The following RIMS1 variants were observed in gnomAD, a reference collection of about 807,000 sequenced individuals.
RIMS1 encodes the protein regulating synaptic membrane exocytosis 1.
Under a neutral mutation model 214.1 loss-of-function variants are expected in RIMS1, and 83 were observed. The observed-to-expected ratio is 0.39, with a 90% confidence interval of 0.32 to 0.47. RIMS1 has a LOEUF of 0.47. RIMS1 is among the 20% of genes least tolerant of loss of function. RIMS1 has a pLI of 0.99. For synonymous variants in RIMS1, 793 were observed against 786.8 expected (o/e 1.01, Z -0.13); for missense variants, 2,050 against 2,161.8 (o/e 0.95, Z 1.03).
chr6:71,960,578 G>T (rs1792643005), intron 1 of RIMS1, among the ~76,000 whole-genome samples: 1 of 152,110 alleles, frequency 6.6e-6, no homozygotes, highest in African/African-American at 2.4e-5. Flanking sequence ...AAAACAGGCT[G>T]AATCTGTGGA....
intron 6 of RIMS1, among the ~76,000 whole-genome samples, chr6:72,202,461 C>CATACTGGATTAGGA (rs371226032): frequency 0.011 from 1,697 of 152,224 alleles, 10 homozygotes; most frequent in Non-Finnish European, 0.017. Flanking sequence ...GGATACCAGT[C>CATACTGGATTAGGA]ATACTGGATT....
intron 4 of RIMS1, among the ~76,000 whole-genome samples, chr6:72,122,991 T>G (rs1376069233): frequency 6.6e-6 from 1 of 151,918 alleles, no homozygotes; most frequent in African/African-American, 2.4e-5. Context: ...GCTCAGATCT[T>G]AGTTTTTTCT....
At chr6:72,335,882 A>G (rs2096827349) in intron 29 of RIMS1, among the ~76,000 whole-genome samples, 1 of 151,852 alleles carries the variant, frequency 6.6e-6, no homozygotes. Context: ...TCTCTTGAGA[A>G]GTGTTTGTTC....
chr6:72,159,709 G>T (rs1414863577), intron 4 of RIMS1, among the ~76,000 whole-genome samples: 1 of 140,014 alleles, frequency 7.1e-6, no homozygotes, highest in Non-Finnish European at 1.6e-5. Flanking sequence ...TAGATAGGCA[G>T]CATTATTTCT....
At chr6:72,280,998 A>C (rs577245567) in intron 23 of RIMS1, among the ~76,000 whole-genome samples, 14 of 152,230 alleles carry the variant, frequency 9.2e-5, no homozygotes, top group African/African-American at 3.1e-4. Context: ...TTTTAGGTAA[A>C]AGAAAACTGA....
intron 28 of RIMS1, among the ~76,000 whole-genome samples, chr6:72,327,152 T>C (rs1158915955): frequency 2.6e-5 from 4 of 151,676 alleles, no homozygotes; most frequent in African/African-American, 9.7e-5. Context: ...CAAAAAAAAA[T>C]ACATAAAATA....
chr6:72,252,407 TTC>T (rs1419811193), intron 15 of RIMS1, among the ~76,000 whole-genome samples: 11 of 152,152 alleles, frequency 7.2e-5, no homozygotes, highest in Non-Finnish European at 1.6e-4. Context: ...CTCAGCCCTA[TTC>T]TCTCTGAACT....
At chr6:72,142,784 A>G (rs940874213) in intron 4 of RIMS1, among the ~76,000 whole-genome samples, 12 of 152,160 alleles carry the variant, frequency 7.9e-5, no homozygotes, top group African/African-American at 2.2e-4. Flanking sequence ...GACACTTACA[A>G]AAACTTTATA....
At position 72,251,907 on chromosome 6, in the gene RIMS1, G is replaced by A. The variant is rs143818247; in HGVS notation, c.2698+539G>A. Among the ~76,000 whole-genome samples the A allele has an allele frequency of 2.0e-3, 311 of 152,230 alleles. 2 individuals are homozygous for A. Among genetic ancestry groups the A allele is most frequent in the South Asian group, 3.9e-3 (19 of 4,824 alleles). On this transcript the variant is annotated intron_variant, in intron 15 of 33. Transcript: ENST00000521978. ...TTTTTGTATATTTAGTAGAGATGGG[G>A]TTTCACCATTTTGGCCAGCCTGATC...
chr6:72,108,153 G>A (rs1387771454), intron 4 of RIMS1, among the ~76,000 whole-genome samples: 1 of 152,130 alleles, frequency 6.6e-6, no homozygotes, highest in Non-Finnish European at 1.5e-5. Flanking sequence ...CTGTAACTGG[G>A]ACTGAAGTGA....
At position 72,251,201 on chromosome 6, in the gene RIMS1, A is replaced by C. The variant is rs1443308729; in HGVS notation, c.2545-14A>C. On this transcript the variant is annotated splice_polypyrimidine_tract_variant and intron_variant, in intron 14 of 33. Coordinates refer to ENST00000521978, the MANE Select transcript of RIMS1 (RefSeq NM_014989.7). ...ATAAAGGTACTTGATTTAATTTGAGAATTACCCTCTCAGATCCTCATAGAA... is the reference window on the plus strand; with the variant it reads ...ATAAAGGTACTTGATTTAATTTGAGCATTACCCTCTCAGATCCTCATAGAA... 2.5e-6 allele frequency: 4 copies of C among 1,587,764 alleles called. No homozygotes were observed. The highest frequency in any genetic ancestry group is 3.4e-6 in the Non-Finnish European group (4 of 1,165,560).
chr6:71,992,132 G>A (rs1801764955), intron 2 of RIMS1, among the ~76,000 whole-genome samples: 1 of 152,252 alleles, frequency 6.6e-6, no homozygotes, highest in East Asian at 1.9e-4. Flanking sequence ...AGCTAAAAGA[G>A]GTTGAAAGGA....
intron 2 of RIMS1, among the ~76,000 whole-genome samples, chr6:72,048,479 G>A (rs184828198): frequency 3.9e-4 from 59 of 152,176 alleles, no homozygotes; most frequent in African/African-American, 1.3e-3. Flanking sequence ...AAAAAATGTG[G>A]ACTAAAAGTT....
intron 9 of RIMS1, among the ~76,000 whole-genome samples, chr6:72,239,535 G>A (rs1382338169): frequency 1.3e-5 from 2 of 152,146 alleles, no homozygotes; most frequent in Non-Finnish European, 2.9e-5. Flanking sequence ...TATGCAAATA[G>A]AATTATTTGC....
chr6:72,054,547 T>C (rs1384387753), intron 2 of RIMS1, among the ~76,000 whole-genome samples: 1 of 152,204 alleles, frequency 6.6e-6, no homozygotes, highest in Non-Finnish European at 1.5e-5. Flanking sequence ...CCACCGACAG[T>C]GTACAAGCGT....
rs527913704 is a variant in RIMS1 at position 72,251,395 on chromosome 6, CAA to C, written c.2698+29_2698+30del. Reference sequence around the variant, plus strand: ...TAGGTTAAGGTCCTTTTAGTTGCCACAAAGTAATTATGCTGTAATGATCTAAT... The same window carrying C: ...TAGGTTAAGGTCCTTTTAGTTGCCACAGTAATTATGCTGTAATGATCTAAT... On this transcript the variant is annotated intron_variant, in intron 15 of 33. Coordinates refer to ENST00000521978, the MANE Select transcript of RIMS1 (RefSeq NM_014989.7). The C allele has an allele frequency of 4.1e-4, 615 of 1,513,864 alleles. 5 individuals are homozygous for C. In the East Asian group the frequency reaches 0.014, roughly 34 times the overall value. The allele number at this position is 1,513,864 out of a possible 1,614,324, so 93.8% of individuals were successfully genotyped here.
At chr6:72,210,087 C>T (rs981982192) in intron 6 of RIMS1, among the ~76,000 whole-genome samples, 1 of 152,106 alleles carries the variant, frequency 6.6e-6, no homozygotes, top group Non-Finnish European at 1.5e-5. Context: ...CAGAACAAGA[C>T]ATGAGTCCCT....
chr6:72,009,181 A>C (rs1157340541), intron 2 of RIMS1, among the ~76,000 whole-genome samples: 4 of 152,076 alleles, frequency 2.6e-5, no homozygotes, highest in East Asian at 1.9e-4. Context: ...CACTCAAAAC[A>C]GCTCAACTAC....
chr6:72,399,896 A>C (rs974997926), intron 33 of RIMS1, among the ~76,000 whole-genome samples: 1 of 152,178 alleles, frequency 6.6e-6, no homozygotes, highest in African/African-American at 2.4e-5. Context: ...AGATTGTGGT[A>C]ATTTTTAATG....
Sources: allele counts gnomAD v4.1 joint callset (sites outside exome capture counted in the v4.1 genomes callset), GRCh38; gene constraint gnomAD v4.1.1; transcripts MANE v1.5; gene names NCBI Gene and HGNC (gene_info 2026-07-23, HGNC 2026-07-21).